STYX: variants seen among roughly 807,000 people sequenced by gnomAD.
STYX encodes serine/threonine/tyrosine interacting protein.
In STYX, 20 loss-of-function variants were observed where a neutral mutation model predicts 42.7. The ratio of observed to expected loss-of-function variants is 0.47; its 90% CI spans 0.33 to 0.68. The LOEUF is 0.68. STYX is among the 30% of genes least tolerant of loss of function. The probability of loss-of-function intolerance (pLI) is 0.02; values close to 1 mark genes in which losing one functional copy is unlikely to be tolerated. For synonymous variants in STYX, 78 were observed against 81.9 expected (o/e 0.95, Z 0.26); for missense variants, 226 against 268.5 (o/e 0.84, Z 1.11).
intron 9 of STYX, among the ~76,000 whole-genome samples, chr14:52,763,605 GA>G (rs1481020366): frequency 1.3e-5 from 2 of 151,924 alleles, no homozygotes; most frequent in Non-Finnish European, 2.9e-5. Context: ...TATGTGTTGA[GA>G]TTTTTTTTAT....
chr14:52,758,062 T>C, intron 8 of STYX, 138 bp downstream of exon 8: 1 of 910,130 alleles, frequency 1.1e-6, no homozygotes, highest in South Asian at 1.7e-5. Flanking sequence ...CAGGCCCTTA[T>C]TCCATGATTA....
intron 10 of STYX, 145 bp downstream of exon 10, chr14:52,769,078 TG>T: frequency 3.4e-6 from 2 of 590,136 alleles, no homozygotes; most frequent in Non-Finnish European, 5.9e-6. Context: ...CATTTTATAA[TG>T]AATAAATGTG....
intron 8 of STYX, among the ~76,000 whole-genome samples, chr14:52,758,602 C>T (rs758490370): frequency 6.6e-5 from 10 of 152,138 alleles, no homozygotes; most frequent in South Asian, 2.1e-4. Flanking sequence ...TTTGAGACGG[C>T]GTCTTGCTCT....
chr14:52,767,823 A>G (rs1167347294), intron 9 of STYX, among the ~76,000 whole-genome samples: 1 of 152,218 alleles, frequency 6.6e-6, no homozygotes, highest in Non-Finnish European at 1.5e-5. Context: ...GGGCCTAGGT[A>G]TATAGGTTTT....
intron 1 of STYX, among the ~76,000 whole-genome samples, chr14:52,733,987 A>C (rs1880840227): frequency 6.6e-6 from 1 of 152,000 alleles, no homozygotes; most frequent in Non-Finnish European, 1.5e-5. Flanking sequence ...TGCTCACCTC[A>C]TGTAAATGAA....
Position 52,746,409 on chromosome 14 carries a change from A to ATT in STYX, c.91-17_91-16insTT. 1 of 1,549,312 alleles carries ATT rather than the reference A, an allele frequency of 6.5e-7. No individual in the cohort carries two copies. The highest frequency in any genetic ancestry group is 1.2e-5 in the South Asian group (1 of 82,918). On this transcript the variant is annotated splice_polypyrimidine_tract_variant and intron_variant, in intron 2 of 10. Coordinates refer to ENST00000354586, the MANE Select transcript of STYX (RefSeq NM_145251.4). ...TAAATTGCTGATGGTAAATACCTCA[A>ATT]ATTTTTTTTTTTCTAGGAAATTTTA...
At chr14:52,738,974 T>C (rs984986791) in intron 1 of STYX, among the ~76,000 whole-genome samples, 1 of 132,852 alleles carries the variant, frequency 7.5e-6, no homozygotes, top group African/African-American at 3.5e-5. Context: ...TAAATATCAC[T>C]TTTTTTTTTT....
intron 7 of STYX, 29 bp from the exon 8 acceptor site, chr14:52,757,843 GTT>G: frequency 1.2e-6 from 2 of 1,612,682 alleles, no homozygotes; most frequent in Non-Finnish European, 1.7e-6. Flanking sequence ...GTATTTTCTG[GTT>G]GTTTTTAAAA....
intron 1 of STYX, among the ~76,000 whole-genome samples, chr14:52,732,563 G>A (rs919908123): frequency 5.3e-5 from 8 of 152,120 alleles, no homozygotes; most frequent in Admixed American, 5.2e-4. Flanking sequence ...GTGAGCTACC[G>A]CGCCCGGCCA....
intron 1 of STYX, among the ~76,000 whole-genome samples, chr14:52,740,286 G>GA (rs890748668): frequency 2.7e-5 from 4 of 150,552 alleles, no homozygotes; most frequent in African/African-American, 9.7e-5. Flanking sequence ...GTCTCAAAAA[G>GA]AAAAAAAAAG....
intron 1 of STYX, among the ~76,000 whole-genome samples, chr14:52,741,263 G>T (rs1291777379): frequency 6.7e-6 from 1 of 149,494 alleles, no homozygotes; most frequent in Admixed American, 6.7e-5. Flanking sequence ...GAGTGGAATG[G>T]CTAGATATTA....
chr14:52,765,332 T>C (rs1255057333), intron 9 of STYX, among the ~76,000 whole-genome samples: 1 of 152,048 alleles, frequency 6.6e-6, no homozygotes, highest in Non-Finnish European at 1.5e-5. Context: ...GATTCTCCGC[T>C]TCAGCCTCCT....
At chr14:52,737,921 G>T (rs1024473384) in intron 1 of STYX, among the ~76,000 whole-genome samples, 1 of 152,064 alleles carries the variant, frequency 6.6e-6, no homozygotes, top group Admixed American at 6.6e-5. Context: ...GACTACAGGC[G>T]CCCGCCACCA....
At chr14:52,730,604 A>C (rs1047369910) in intron 1 of STYX, 73 bp downstream of exon 1, 1 of 1,545,552 alleles carries the variant, frequency 6.5e-7, no homozygotes, top group South Asian at 1.2e-5. Context: ...CCCAGTCCCC[A>C]ACCGTCTTAG....
At position 52,747,524 on chromosome 14, in the gene STYX, A is replaced by G. The variant is rs147372519; in HGVS notation, c.144+1045A>G. On this transcript the variant is annotated intron_variant, in intron 3 of 10. Coordinates refer to ENST00000354586, the MANE Select transcript of STYX (RefSeq NM_145251.4). ...TAGGGAGTTAGTAAAAATAAGTACT[A>G]GGGAAAGGATAGGGCAGGTAACTAT... Among the ~76,000 whole-genome samples the G allele has an allele frequency of 3.6e-3, 548 of 152,294 alleles. 2 individuals are homozygous for G. The highest frequency in any genetic ancestry group is 6.8e-3 in the Middle Eastern group (2 of 294).
chr14:52,765,739 A>C (rs577908609), intron 9 of STYX, among the ~76,000 whole-genome samples: 2 of 152,254 alleles, frequency 1.3e-5, no homozygotes, highest in Admixed American at 1.3e-4. Flanking sequence ...TTAGTTAAGG[A>C]GTGTGCAACC....
chr14:52,745,203 G>A (rs558380203), intron 2 of STYX, among the ~76,000 whole-genome samples: 5 of 149,732 alleles, frequency 3.3e-5, no homozygotes, highest in South Asian at 2.1e-4. Context: ...TCACCGCAAC[G>A]TCCACCTCCC....
At chr14:52,738,607 G>A (rs1881055872) in intron 1 of STYX, among the ~76,000 whole-genome samples, 1 of 152,212 alleles carries the variant, frequency 6.6e-6, no homozygotes, top group Admixed American at 6.5e-5. Context: ...ATTGCCAAAT[G>A]AAGGTGTTGA....
In STYX at chr14:52,773,195, CCA is replaced by C. The variant is rs1417722359; in HGVS notation, c.*2092_*2093del. 2 of 151,986 alleles carry C rather than the reference CCA, an allele frequency of 1.3e-5. No homozygotes were observed. Among genetic ancestry groups the C allele is most frequent in the Non-Finnish European group, 2.9e-5 (2 of 68,004 alleles). 9.4% of individuals were successfully genotyped at this position (151,986 alleles called of 1,614,324 possible). On this transcript the variant is annotated 3_prime_UTR_variant, in exon 11 of 11. Transcript: ENST00000354586. ...TTGATAATTTGTAGCTGGTAATTTT[CCA>C]CATTTTCTATCCACTGTAATTTTTA...
Sources: allele counts gnomAD v4.1 joint callset (sites outside exome capture counted in the v4.1 genomes callset), GRCh38; gene constraint gnomAD v4.1.1; transcripts MANE v1.5; gene names NCBI Gene and HGNC (gene_info 2026-07-23, HGNC 2026-07-21).